Variants in CNTNAP2 observed in about 807,000 individuals in gnomAD.
The protein encoded by CNTNAP2 is contactin-associated protein-like 2.
CNTNAP2 carries 98 observed loss-of-function variants against 155.2 expected under a neutral mutation model. The observed-to-expected ratio is 0.63, with a 90% CI of 0.54 to 0.75. CNTNAP2 has a LOEUF of 0.75. CNTNAP2 is among the 30% of genes least tolerant of loss of function. The pLI, the probability that CNTNAP2 is intolerant of heterozygous loss-of-function variation, is 0.00. For synonymous variants in CNTNAP2, 651 were observed against 631.2 expected (o/e 1.03, Z -0.47); for missense variants, 1,727 against 1,688.1 (o/e 1.02, Z -0.40).
intron 3 of CNTNAP2, among the ~76,000 whole-genome samples, chr7:146,934,329 A>C (rs2129223851): frequency 6.6e-6 from 1 of 152,026 alleles, no homozygotes; most frequent in Admixed American, 6.6e-5. Context: ...TTCTCAGTAA[A>C]CTATTACAAG....
rs1024511685 is a variant in CNTNAP2 at position 147,360,968 on chromosome 7, T to C, written c.1499-34641T>C. 1.8e-4 allele frequency among the ~76,000 whole-genome samples: 28 copies of C among 152,116 alleles called. 1 individual carries two copies. Among genetic ancestry groups the C allele is most frequent in the African/African-American group, 6.5e-4 (27 of 41,428 alleles). ...TAGAAGGATTTTCAACTGAAGGTCA[T>C]GAAGCCCAAAACAACAACCAAAGGT... On this transcript the variant is annotated intron_variant, in intron 9 of 23. Coordinates refer to ENST00000361727, the MANE Select transcript of CNTNAP2 (RefSeq NM_014141.6).
intron 2 of CNTNAP2, among the ~76,000 whole-genome samples, chr7:146,824,874 T>TA (rs974700111): frequency 1.3e-5 from 2 of 151,414 alleles, no homozygotes; most frequent in Non-Finnish European, 2.9e-5. Context: ...TTTTTTTTTT[T>TA]TTATTTGATT....
chr7:146,958,998 AC>A (rs535958408), intron 3 of CNTNAP2, among the ~76,000 whole-genome samples: 299 of 151,724 alleles, frequency 2.0e-3, no homozygotes, highest in Non-Finnish European at 3.7e-3. Context: ...TAGGATAATG[AC>A]TTTTTTATTT....
chr7:147,327,346 A>G (rs1342816108), intron 9 of CNTNAP2, among the ~76,000 whole-genome samples: 1 of 152,166 alleles, frequency 6.6e-6, no homozygotes, highest in African/African-American at 2.4e-5. Context: ...TGGAGATTGG[A>G]ATCTAGGTGT....
chr7:146,440,282 T>C (rs1189841527), intron 1 of CNTNAP2, among the ~76,000 whole-genome samples: 1 of 151,724 alleles, frequency 6.6e-6, no homozygotes, highest in Non-Finnish European at 1.5e-5. Context: ...ATGAGTACTT[T>C]TAAAATTTAA....
intron 13 of CNTNAP2, among the ~76,000 whole-genome samples, chr7:147,866,418 G>A (rs1314002749): frequency 6.6e-6 from 1 of 152,200 alleles, no homozygotes. Flanking sequence ...GGAGAGTTCT[G>A]TAGATGTCTA....
chr7:146,645,558 A>G (rs1453544637), intron 1 of CNTNAP2, among the ~76,000 whole-genome samples: 1 of 152,168 alleles, frequency 6.6e-6, no homozygotes, highest in Non-Finnish European at 1.5e-5. Flanking sequence ...TGAGGAAGTG[A>G]GGAGGTATCT....
intron 4 of CNTNAP2, among the ~76,000 whole-genome samples, chr7:147,066,377 C>T (rs756972545): frequency 3.9e-5 from 6 of 152,158 alleles, no homozygotes; most frequent in African/African-American, 7.2e-5. Flanking sequence ...ACACAGCAGA[C>T]GGTGGCTTCT....
chr7:147,434,982 A>G lies in CNTNAP2; in HGVS notation c.1670+39202A>G, dbSNP rs551611942. Among the ~76,000 whole-genome samples, 35 of 152,292 alleles carry G rather than the reference A, an allele frequency of 2.3e-4. 1 individual carries two copies. The East Asian group carries it at 5.6e-3, about 24-fold the overall frequency. On this transcript the variant is annotated intron_variant, in intron 10 of 23. Coordinates refer to ENST00000361727, the MANE Select transcript of CNTNAP2 (RefSeq NM_014141.6). ...GAGGGTTGAGGTGGGGGTGCACCAAATTCATACAGATTTCCTCAGTAGCTT... is the reference window on the plus strand; with the variant it reads ...GAGGGTTGAGGTGGGGGTGCACCAAGTTCATACAGATTTCCTCAGTAGCTT...
At position 147,920,805 on chromosome 7, in the gene CNTNAP2, C is replaced by CTTTTTTTTTTTTTTTTTTTTT. The variant is rs1219556681; in HGVS notation, c.2255+17086_2255+17106dup. On this transcript the variant is annotated intron_variant, in intron 14 of 23. Transcript: ENST00000361727. ...TTCACGTATGTGCTTCTGCTCCTGT[C>CTTTTTTTTTTTTTTTTTTTTT]TTTTTTTTTTTTTTTTTTTTTTGAG... Among the ~76,000 whole-genome samples, 2 of 100,650 alleles carry CTTTTTTTTTTTTTTTTTTTTT rather than the reference C, an allele frequency of 2.0e-5. 1 individual carries two copies. 66.0% of individuals were successfully genotyped at this position (100,650 alleles called of 152,430 possible).
intron 1 of CNTNAP2, among the ~76,000 whole-genome samples, chr7:146,640,282 G>A (rs1226759089): frequency 6.6e-6 from 1 of 152,182 alleles, no homozygotes; most frequent in Non-Finnish European, 1.5e-5. Flanking sequence ...GAATCCCAAA[G>A]GAAAGATACG....
intron 2 of CNTNAP2, among the ~76,000 whole-genome samples, chr7:146,780,164 T>C (rs376489060): frequency 1.9e-4 from 29 of 150,944 alleles, no homozygotes; most frequent in African/African-American, 6.8e-4. Flanking sequence ...TTTCTCCACA[T>C]CCTCGCCAGC....
chr7:146,833,249 G>A (rs965841421), intron 2 of CNTNAP2, among the ~76,000 whole-genome samples: 79 of 152,072 alleles, frequency 5.2e-4, no homozygotes, highest in African/African-American at 1.9e-3. Context: ...TATTACTTAT[G>A]GAACTAATTG....
intron 1 of CNTNAP2, among the ~76,000 whole-genome samples, chr7:146,392,446 T>C (rs1385899633): frequency 6.6e-6 from 1 of 152,070 alleles, no homozygotes; most frequent in African/African-American, 2.4e-5. Context: ...TAATTACAAA[T>C]AATCCTCTAA....
chr7:147,747,252 G>A (rs560181680), intron 13 of CNTNAP2, among the ~76,000 whole-genome samples: 1 of 152,178 alleles, frequency 6.6e-6, no homozygotes, highest in African/African-American at 2.4e-5. Flanking sequence ...TTGTGTCTTG[G>A]TTTTGATGAT....
chr7:146,454,481 A>G (rs1435818400), intron 1 of CNTNAP2, among the ~76,000 whole-genome samples: 1 of 152,108 alleles, frequency 6.6e-6, no homozygotes, highest in Non-Finnish European at 1.5e-5. Context: ...CTGTGTAGTA[A>G]GAAAGTTGGG....
At chr7:148,051,419 T>TC (rs1268907394) in intron 15 of CNTNAP2, among the ~76,000 whole-genome samples, 3 of 151,844 alleles carry the variant, frequency 2.0e-5, no homozygotes, top group Admixed American at 1.3e-4. Flanking sequence ...CTTTTCTGTT[T>TC]TTTTTTTTAA....
intron 1 of CNTNAP2, among the ~76,000 whole-genome samples, chr7:146,247,341 T>A (rs1218786034): frequency 1.3e-5 from 2 of 152,110 alleles, no homozygotes; most frequent in African/African-American, 4.8e-5. Context: ...AACGAAACTG[T>A]AAGCCGGACC....
rs200223970 is a variant in CNTNAP2, at chr7:147,748,941, TAA to T, written c.2098+109636_2098+109637del. ...TGCATGTAGGGATCTGAACAAGACA[TAA>T]GTCATCTACGTGGTTTATAGGACTG... On this transcript the variant is annotated intron_variant, in intron 13 of 23. Coordinates refer to ENST00000361727, the MANE Select transcript of CNTNAP2 (RefSeq NM_014141.6). 5.3e-4 allele frequency among the ~76,000 whole-genome samples: 81 copies of T among 152,314 alleles called. No individual in the cohort carries two copies. The East Asian group carries it at 0.012, about 22-fold the overall frequency.
Sources: allele counts gnomAD v4.1 joint callset (sites outside exome capture counted in the v4.1 genomes callset), GRCh38; gene constraint gnomAD v4.1.1; transcripts MANE v1.5; gene names NCBI Gene and HGNC (gene_info 2026-07-23, HGNC 2026-07-21).